FAAH2: variants seen among roughly 807,000 people sequenced by gnomAD.
The protein encoded by FAAH2 is fatty-acid amide hydrolase 2.
Under a neutral mutation model 36.9 loss-of-function variants are expected in FAAH2, and 60 were observed. That is an observed-to-expected ratio of 1.63 (90% CI 1.32 to 2.02). The LOEUF is 2.02. FAAH2 is among the 30% of genes most tolerant of loss of function. The pLI, the probability that FAAH2 is intolerant of heterozygous loss-of-function variation, is 0.00. For missense variants in FAAH2, 689 were observed against 397.5 expected (o/e 1.73, Z -6.23); for synonymous variants, 214 against 143.8 (o/e 1.49, Z -3.49).
At chrX:57,224,675 G>A in the FAAH2 span, among the ~76,000 whole-genome samples, 4 of 112,268 alleles carry the variant, frequency 3.6e-5, no homozygotes, top group African/African-American at 1.3e-4. Flanking sequence ...TAGCAGTTAC[G>A]TCAGACCAGG....
At chrX:57,423,226 A>G (rs371582519) in intron 7 of FAAH2, among the ~76,000 whole-genome samples, 1 of 112,046 alleles carries the variant, frequency 8.9e-6, no homozygotes, top group South Asian at 3.7e-4. Context: ...ACTATCCAGA[A>G]TGGGTGAAAG....
At chrX:57,476,309 T>C (rs910702359) in intron 10 of FAAH2, among the ~76,000 whole-genome samples, 4 of 111,188 alleles carry the variant, frequency 3.6e-5, no homozygotes, top group Non-Finnish European at 5.7e-5. Context: ...CTTTTACCCA[T>C]TCAGTATGAT....
chrX:57,233,550 G>C, the FAAH2 span, among the ~76,000 whole-genome samples: 1 of 111,998 alleles, frequency 8.9e-6, no homozygotes, highest in Non-Finnish European at 1.9e-5. Context: ...AACAAGGTGA[G>C]GGGGGAGGAC....
the FAAH2 span, among the ~76,000 whole-genome samples, chrX:57,198,488 C>T: frequency 8.9e-6 from 1 of 112,395 alleles, no homozygotes; most frequent in Non-Finnish European, 1.9e-5. Context: ...TTGCCCCAGG[C>T]TACAAGCCTC....
chrX:57,382,911 G>A (rs1448138734), intron 7 of FAAH2, among the ~76,000 whole-genome samples: 1 of 111,478 alleles, frequency 9.0e-6, no homozygotes, highest in East Asian at 2.8e-4. Flanking sequence ...GATGAACATC[G>A]ATGCAAAAAT....
chrX:57,429,730 G>A (rs2056249882), intron 7 of FAAH2, among the ~76,000 whole-genome samples: 3 of 111,989 alleles, frequency 2.7e-5, no homozygotes, highest in Admixed American at 9.5e-5. Flanking sequence ...CTACACTCAT[G>A]TGTTTATACC....
At chrX:57,457,413 CACT>C (rs1160079352) in intron 10 of FAAH2, among the ~76,000 whole-genome samples, 1 of 110,407 alleles carries the variant, frequency 9.1e-6, no homozygotes, top group Non-Finnish European at 1.9e-5. Flanking sequence ...CCACTTTCAC[CACT>C]CCTATTCAAT....
chrX:57,324,748 G>T (rs1044396013), intron 3 of FAAH2, among the ~76,000 whole-genome samples: 3 of 112,160 alleles, frequency 2.7e-5, no homozygotes, highest in Non-Finnish European at 5.6e-5. Flanking sequence ...GGGCAGAGAT[G>T]ATGGGGTTTT....
chrX:57,466,274 A>G (rs1205984725), intron 10 of FAAH2, among the ~76,000 whole-genome samples: 1 of 105,943 alleles, frequency 9.4e-6, no homozygotes, highest in Non-Finnish European at 1.9e-5. Context: ...TTTACTGTAA[A>G]TTAGTTAATA....
the FAAH2 span, among the ~76,000 whole-genome samples, chrX:57,261,226 C>T: frequency 9.0e-6 from 1 of 111,231 alleles, no homozygotes; most frequent in Non-Finnish European, 1.9e-5. Flanking sequence ...ATTATAGATA[C>T]ATTAAACAAC....
intron 10 of FAAH2, among the ~76,000 whole-genome samples, chrX:57,488,378 T>C (rs1345473852): frequency 8.9e-6 from 1 of 111,888 alleles, no homozygotes; most frequent in Non-Finnish European, 1.9e-5. Context: ...TAATTTACTC[T>C]GATTTTTCTG....
At chrX:57,440,813 G>C (rs992039755) in intron 8 of FAAH2, among the ~76,000 whole-genome samples, 2 of 111,358 alleles carry the variant, frequency 1.8e-5, no homozygotes, top group Non-Finnish European at 3.8e-5. Flanking sequence ...TAGCATGAAG[G>C]GCTGTTGAAT....
At chrX:57,162,880 C>T in the FAAH2 span, among the ~76,000 whole-genome samples, 1 of 113,107 alleles carries the variant, frequency 8.8e-6, no homozygotes, top group Non-Finnish European at 1.9e-5. Context: ...CAATCTCCAT[C>T]CAGCTTTGTT....
the FAAH2 span, among the ~76,000 whole-genome samples, chrX:57,245,580 C>A: frequency 8.9e-6 from 1 of 112,026 alleles, no homozygotes; most frequent in African/African-American, 3.2e-5. Flanking sequence ...GAAACTCACT[C>A]GAAACCCCAC....
At chrX:57,182,629 G>T in the FAAH2 span, among the ~76,000 whole-genome samples, 1 of 111,333 alleles carries the variant, frequency 9.0e-6, no homozygotes, top group Non-Finnish European at 1.9e-5. Flanking sequence ...ATTGTAGAAA[G>T]CAGTGCGGCA....
intron 3 of FAAH2, among the ~76,000 whole-genome samples, chrX:57,318,496 C>T (rs2052913233): frequency 9.0e-6 from 1 of 111,498 alleles, no homozygotes; most frequent in Admixed American, 9.6e-5. Flanking sequence ...CCTGAATAGG[C>T]CAAGAATAAG....
chrX:57,212,668 C>T, the FAAH2 span, among the ~76,000 whole-genome samples: 1 of 112,027 alleles, frequency 8.9e-6, no homozygotes, highest in African/African-American at 3.2e-5. Flanking sequence ...ATTTAGAAAA[C>T]GAATTTTTAA....
chrX:57,225,170 TTGTC>T, the FAAH2 span, among the ~76,000 whole-genome samples: 2 of 111,739 alleles, frequency 1.8e-5, no homozygotes, highest in African/African-American at 6.5e-5. Context: ...GTTATGTTCT[TTGTC>T]TGCTGGGTTT....
At position 57,344,839 on chromosome X, in the gene FAAH2, T is replaced by C. The variant is rs138620311; in HGVS notation, c.742+3449T>C. On this transcript the variant is annotated intron_variant, in intron 5 of 10. Transcript: ENST00000374900. ...AAGTCTCTTTCTGAATCTATTGAGA[T>C]GATTATATCTTTTTTTGTTTTAAAT... 6.0e-4 allele frequency among the ~76,000 whole-genome samples: 67 copies of C among 111,948 alleles called. 1 individual carries two copies. Among genetic ancestry groups the C allele is most frequent in the African/African-American group, 1.9e-3 (59 of 30,942 alleles).
Sources: gnomAD v4.1 joint callset for allele counts (sites outside exome capture counted in the v4.1 genomes callset) on GRCh38, gnomAD v4.1.1 for gene constraint, MANE v1.5 for transcripts, NCBI Gene and HGNC (gene_info 2026-07-23, HGNC 2026-07-21) for gene names.